Variants in COX17 observed in about 807,000 individuals in gnomAD.
COX17 encodes cytochrome c oxidase copper chaperone.
A neutral mutation model predicts 6.3 loss-of-function variants in COX17; 1 was observed. That is an observed-to-expected ratio of 0.16 (90% CI 0.06 to 0.75). COX17 has a LOEUF of 0.75. Ranked by LOEUF, COX17 falls within the 30% of genes least tolerant of loss-of-function variation. The pLI, the probability that COX17 is intolerant of heterozygous loss-of-function variation, is 0.77. For missense variants in COX17, 73 were observed against 81.2 expected (o/e 0.90, Z 0.39); for synonymous variants, 26 against 30.5 (o/e 0.85, Z 0.49).
chr3:119,674,123 G>C (rs907764561), intron 2 of COX17, among the ~76,000 whole-genome samples: 1 of 150,550 alleles, frequency 6.6e-6, no homozygotes, highest in Non-Finnish European at 1.5e-5. Context: ...TGTGAGGAGC[G>C]CCTCTGCCTG....
chr3:119,675,125 CTT>C lies in COX17; in HGVS notation c.*4+18_*4+19del. 6.4e-7 allele frequency: 1 copy of C among 1,565,036 alleles called. No homozygotes were observed. The highest frequency in any genetic ancestry group is 1.1e-5 in the South Asian group (1 of 90,008). On this transcript the variant is annotated intron_variant, in intron 2 of 2. Coordinates refer to ENST00000261070, the MANE Select transcript of COX17 (RefSeq NM_005694.2). ...GCTAAATCTGTAAAGCAATACACAA[CTT>C]TGAAGCAAGAAGCTTACCATTTCAT...
downstream of COX17, among the ~76,000 whole-genome samples, chr3:119,665,675 A>G (rs914230495): frequency 1.3e-5 from 2 of 152,216 alleles, no homozygotes; most frequent in Admixed American, 6.5e-5. Flanking sequence ...CACCCAGCCA[A>G]GACTAAGTTC....
In COX17 at chr3:119,677,364, G is replaced by T; in HGVS notation, c.-54C>A. 2.8e-6 allele frequency: 4 copies of T among 1,434,076 alleles called. No individual in the cohort carries two copies. Among genetic ancestry groups the T allele is most frequent in the Non-Finnish European group, 3.9e-6 (4 of 1,029,386 alleles). 88.8% of individuals were successfully genotyped at this position (1,434,076 alleles called of 1,614,324 possible). On this transcript the variant is annotated 5_prime_UTR_variant, in exon 1 of 3. Transcript: ENST00000261070. ...AGACAGCCAAATCTATGCCAGCCTCGGCAAACGCCGATTCGTCCGCAGTCA... is the reference window on the plus strand; with the variant it reads ...AGACAGCCAAATCTATGCCAGCCTCTGCAAACGCCGATTCGTCCGCAGTCA...
downstream of COX17, chr3:119,665,110 T>C (rs369498710): frequency 8.5e-5 from 13 of 152,258 alleles, no homozygotes; most frequent in East Asian, 7.7e-4. Context: ...TGAACTAAGA[T>C]TGGTTGAAGC....
downstream of COX17, among the ~76,000 whole-genome samples, chr3:119,667,684 G>T (rs1229432368): frequency 8.9e-6 from 1 of 112,646 alleles, no homozygotes; most frequent in Admixed American, 1.1e-4. Context: ...GAAAGTAAAA[G>T]GTGTACACAC....
rs561092080 is a variant in COX17 at position 119,663,998 on chromosome 3, C to G, written c.*68+2921G>C. The stretch of plus-strand genomic sequence containing the variant: ...AGTTTTCTCATTTGTTGAGCTGATT[C>G]AATTCAATAGGCATTTATTCAGGAC... On this transcript the variant is annotated intron_variant and NMD_transcript_variant, in intron 3 of 3. Coordinates refer to the COX17 transcript ENST00000468918. Among the ~76,000 whole-genome samples, 146 of 152,288 alleles carry G rather than the reference C, an allele frequency of 9.6e-4. 1 individual carries two copies. The highest frequency in any genetic ancestry group is 1.9e-3 in the South Asian group (9 of 4,820).
At chr3:119,676,340 C>A (rs138995494) in intron 1 of COX17, among the ~76,000 whole-genome samples, 5 of 152,348 alleles carry the variant, frequency 3.3e-5, no homozygotes, top group African/African-American at 9.6e-5. Context: ...CACTGAGCTC[C>A]TACACTCTTA....
rs752233768 is a variant in COX17, at chr3:119,676,949, G to A, written c.107+255C>T. On this transcript the variant is annotated intron_variant, in intron 1 of 2. Transcript: ENST00000261070. Reference sequence around the variant, plus strand: ...TACTAAGCTACGGGATAAGTCAACAGAGACCCGACCACGAAACCTACAAGG... The same window carrying A: ...TACTAAGCTACGGGATAAGTCAACAAAGACCCGACCACGAAACCTACAAGG... 3.5e-5 allele frequency: 23 copies of A among 649,266 alleles called. 1 individual carries two copies. Among genetic ancestry groups the A allele is most frequent in the South Asian group, 3.3e-4 (22 of 67,016 alleles). The allele number at this position is 649,266 out of a possible 1,614,324, so 40.2% of individuals were successfully genotyped here. A position where few individuals can be genotyped will look rare whatever the true frequency, so the allele number is the denominator to read the frequency against.
intron 1 of COX17, 142 bp downstream of exon 1, chr3:119,677,062 G>A: frequency 5.8e-6 from 4 of 686,878 alleles, no homozygotes; most frequent in Admixed American, 2.2e-5. Context: ...GTGGGGGAAG[G>A]GGGGAAGGAA....
intron 2 of COX17, chr3:119,674,280 C>G (rs2053076347): frequency 6.6e-6 from 1 of 152,156 alleles, no homozygotes; most frequent in Non-Finnish European, 1.5e-5. Flanking sequence ...AAGTGAGGAG[C>G]ACCTCTGCCC....
Position 119,677,288 on chromosome 3 carries a change from T to C in COX17, c.23A>G (p.Asn8Ser). The C allele has an allele frequency of 6.2e-7, 1 of 1,610,504 alleles. No individual in the cohort carries two copies. The highest frequency in any genetic ancestry group is 8.5e-7 in the Non-Finnish European group (1 of 1,179,406). MPGLVDS[N>S]PAPPESQEKK... ...CTCCTGAGACTCAGGCGGGGCAGGGTTTGAGTCAACCAGACCCGGCATCTT... is the reference window on the plus strand; with the variant it reads ...CTCCTGAGACTCAGGCGGGGCAGGGCTTGAGTCAACCAGACCCGGCATCTT... Residue 8 changes from asparagine (N) to serine (S), a missense_variant, in exon 1 of 3, where the codon AAC becomes AGC. Asn to Ser is a conservative substitution (Grantham distance 46, BLOSUM62 1). Coordinates refer to ENST00000261070, the MANE Select transcript of COX17 (RefSeq NM_005694.2).
At chr3:119,676,021 C>T (rs1367189931) in intron 1 of COX17, among the ~76,000 whole-genome samples, 1 of 152,254 alleles carries the variant, frequency 6.6e-6, no homozygotes, top group Admixed American at 6.5e-5. Context: ...AAGATAATAG[C>T]TAGCATTCAT....
intron 3 of COX17, among the ~76,000 whole-genome samples, chr3:119,664,436 C>T (rs2052975692): frequency 6.7e-6 from 1 of 148,378 alleles, no homozygotes. Context: ...GTAGGTTTTC[C>T]CCAGCTAGAG....
At chr3:119,675,021 T>C (rs2053085223) in intron 2 of COX17, 124 bp downstream of exon 2, 2 of 664,178 alleles carry the variant, frequency 3.0e-6, no homozygotes, top group African/African-American at 1.8e-5. Flanking sequence ...TGAAAAATCA[T>C]GGTTTTTTCA....
chr3:119,671,112 T>C (rs986124917), intron 2 of COX17, among the ~76,000 whole-genome samples: 12 of 152,230 alleles, frequency 7.9e-5, no homozygotes, highest in Non-Finnish European at 1.6e-4. Context: ...AATTTTCAGA[T>C]ACTTTATGCC....
chr3:119,665,546 T>G (rs1037578825), downstream of COX17, among the ~76,000 whole-genome samples: 1 of 152,134 alleles, frequency 6.6e-6, no homozygotes, highest in Non-Finnish European at 1.5e-5. Flanking sequence ...GCTAATGTTT[T>G]TATTTTCTGT....
At position 119,673,930 on chromosome 3, in the gene COX17, C is replaced by T. The variant is rs557509546; in HGVS notation, c.*4+1215G>A. On this transcript the variant is annotated intron_variant, in intron 2 of 2. Transcript: ENST00000261070. The stretch of plus-strand genomic sequence containing the variant: ...ACTGTCTGGGAAGTGAGGAGTACCT[C>T]TGTCCGGCCACCCCGTCTGGGAAGT... 3.3e-5 allele frequency among the ~76,000 whole-genome samples: 5 copies of T among 152,082 alleles called. No individual in the cohort carries two copies. In the South Asian group the frequency reaches 1.0e-3, roughly 32 times the overall value.
At chr3:119,666,349 T>C (rs1252970059), downstream of COX17, among the ~76,000 whole-genome samples, 1 of 152,158 alleles carries the variant, frequency 6.6e-6, no homozygotes, top group Non-Finnish European at 1.5e-5. Context: ...ACGAGAAAGC[T>C]GAGATGAAAA....
rs776316905 is a variant in COX17, at chr3:119,677,256, GCTT to G, written c.52_54del (p.Lys18del). On this transcript the variant is annotated inframe_deletion, in exon 1 of 3. Transcript: ENST00000261070. Reference sequence around the variant, plus strand: ...GGGCAAGCGCAGCAGGGCTTCAGCGGCTTCTTCTCCTGAGACTCAGGCGGGGCA... The same window carrying G: ...GGGCAAGCGCAGCAGGGCTTCAGCGGCTTCTCCTGAGACTCAGGCGGGGCA... The G allele has an allele frequency of 7.4e-6, 12 of 1,611,960 alleles. No individual in the cohort carries two copies. Among genetic ancestry groups the G allele is most frequent in the East Asian group, 6.7e-5 (3 of 44,888 alleles).
Sources: allele counts gnomAD v4.1 joint callset (sites outside exome capture counted in the v4.1 genomes callset), GRCh38; gene constraint gnomAD v4.1.1; transcripts MANE v1.5; gene names NCBI Gene and HGNC (gene_info 2026-07-23, HGNC 2026-07-21).